HECTD2: variants seen among roughly 807,000 people sequenced by gnomAD.
HECTD2 encodes the protein HECT domain E3 ubiquitin protein ligase 2.
Under a neutral mutation model 103.2 loss-of-function variants are expected in HECTD2, and 35 were observed. That is an observed-to-expected ratio of 0.34 (90% CI 0.26 to 0.45). The LOEUF (loss-of-function observed/expected upper bound fraction) is 0.45, where lower values mean the gene tolerates loss of function less well. Ranked by LOEUF, HECTD2 falls within the 20% of genes least tolerant of loss-of-function variation. HECTD2 has a pLI of 1.00. For missense variants in HECTD2, 596 were observed against 937.4 expected, an observed-to-expected ratio of 0.64 and a Z score of 4.76; for synonymous variants, 281 against 329.9, an observed-to-expected ratio of 0.85 and a Z score of 1.61.
intron 14 of HECTD2, among the ~76,000 whole-genome samples, chr10:91,494,512 T>G (rs948088232): frequency 6.6e-6 from 1 of 152,034 alleles, no homozygotes; most frequent in Non-Finnish European, 1.5e-5. Context: ...TGTCTGTCTT[T>G]GTTACATCTG....
chr10:91,417,165 T>C (rs1843160756), intron 1 of HECTD2, among the ~76,000 whole-genome samples: 1 of 152,142 alleles, frequency 6.6e-6, no homozygotes, highest in Non-Finnish European at 1.5e-5. Context: ...GTTTTGTAGT[T>C]AACTCTGAGT....
chr10:91,493,398 C>T (rs1305649277), intron 13 of HECTD2, 22 bp from the exon 14 acceptor site: 2 of 1,345,174 alleles, frequency 1.5e-6, no homozygotes, highest in African/African-American at 1.5e-5. Context: ...TTAATAATAA[C>T]ATTATTCGTG....
At chr10:91,439,257 G>C (rs561341588) in intron 2 of HECTD2, among the ~76,000 whole-genome samples, 3 of 152,192 alleles carry the variant, frequency 2.0e-5, no homozygotes, top group Admixed American at 2.0e-4. Context: ...TTTTGTATGA[G>C]GTGTAAGGAA....
intron 2 of HECTD2, among the ~76,000 whole-genome samples, chr10:91,425,662 TATAC>T (rs1456676146): frequency 6.6e-6 from 1 of 150,612 alleles, no homozygotes. Context: ...AATAAAATAA[TATAC>T]ATATATATTT....
chr10:91,455,440 G>T (rs927454552), intron 2 of HECTD2, among the ~76,000 whole-genome samples: 4 of 151,840 alleles, frequency 2.6e-5, no homozygotes, highest in African/African-American at 7.2e-5. Flanking sequence ...TCTTGTAAAT[G>T]TGTTTGAGTT....
At chr10:91,478,815 A>G (rs1845995067) in intron 6 of HECTD2, among the ~76,000 whole-genome samples, 1 of 151,860 alleles carries the variant, frequency 6.6e-6, no homozygotes. Context: ...TATTAAAAGT[A>G]TATTATTTAA....
intron 2 of HECTD2, among the ~76,000 whole-genome samples, chr10:91,430,350 A>G (rs1385019492): frequency 1.3e-5 from 2 of 152,128 alleles, no homozygotes; most frequent in African/African-American, 2.4e-5. Flanking sequence ...AAAAATGTCT[A>G]TTCTGTTGAT....
intron 2 of HECTD2, among the ~76,000 whole-genome samples, chr10:91,440,211 G>A (rs72819210): frequency 3.4e-3 from 522 of 152,166 alleles, no homozygotes; most frequent in Non-Finnish European, 6.0e-3. Flanking sequence ...TATTAGCTGC[G>A]GCTTTGTCAT....
chr10:91,503,776 C>T (rs2133362281), intron 20 of HECTD2, among the ~76,000 whole-genome samples: 1 of 152,348 alleles, frequency 6.6e-6, no homozygotes, highest in Admixed American at 6.5e-5. Context: ...GAACCCACCA[C>T]AGCTCAAGGA....
chr10:91,484,479 A>T (rs1283906303), intron 8 of HECTD2, 28 bp from the exon 9 acceptor site: 1 of 1,591,184 alleles, frequency 6.3e-7, no homozygotes, highest in East Asian at 2.2e-5. Context: ...GTGAATTTTG[A>T]TTGCAATTAT....
intron 2 of HECTD2, among the ~76,000 whole-genome samples, chr10:91,437,655 T>A (rs577482319): frequency 6.6e-6 from 1 of 151,400 alleles, no homozygotes; most frequent in African/African-American, 2.4e-5. Flanking sequence ...TTTGTTTTTT[T>A]TGTTGTTTTC....
chr10:91,422,890 T>A (rs545307227), intron 1 of HECTD2, among the ~76,000 whole-genome samples: 22 of 152,254 alleles, frequency 1.4e-4, no homozygotes, highest in African/African-American at 4.8e-4. Context: ...CTAAGCAATA[T>A]TCTTTGAGAC....
chr10:91,423,936 T>C (rs552553836), intron 1 of HECTD2, among the ~76,000 whole-genome samples: 1 of 152,288 alleles, frequency 6.6e-6, no homozygotes, highest in Non-Finnish European at 1.5e-5. Flanking sequence ...ATAGAAATGG[T>C]GAACACTGGA....
chr10:91,474,864 C>T (rs1845848471), intron 5 of HECTD2, among the ~76,000 whole-genome samples: 2 of 152,116 alleles, frequency 1.3e-5, no homozygotes, highest in Non-Finnish European at 2.9e-5. Context: ...GGGAGGGCCT[C>T]TGTAAGGCAA....
intron 12 of HECTD2, among the ~76,000 whole-genome samples, 176 bp downstream of exon 12, chr10:91,491,483 C>T (rs891714195): frequency 1.3e-5 from 2 of 152,132 alleles, no homozygotes; most frequent in African/African-American, 2.4e-5. Flanking sequence ...TAGTTAAAAT[C>T]AGATCTGTAT....
At chr10:91,432,975 C>T (rs1843956336) in intron 2 of HECTD2, among the ~76,000 whole-genome samples, 1 of 151,954 alleles carries the variant, frequency 6.6e-6, no homozygotes, top group South Asian at 2.1e-4. Context: ...CTAAGAGCAA[C>T]TTGAGGGGCA....
In HECTD2 at chr10:91,410,526, G is replaced by C; in HGVS notation, c.88G>C (p.Glu30Gln). The C allele has an allele frequency of 6.8e-7, 1 of 1,477,004 alleles. No homozygotes were observed. The highest frequency in any genetic ancestry group is 8.9e-7 in the Non-Finnish European group (1 of 1,117,778). The allele number at this position is 1,477,004 out of a possible 1,614,324, so 91.5% of individuals were successfully genotyped here. The change falls in exon 1 of 21, where the codon GAG becomes CAG. Residue 30 changes from glutamate (E) to glutamine (Q), a missense_variant. By Grantham distance (29) the Glu-to-Gln change is conservative. Coordinates refer to ENST00000298068, the MANE Select transcript of HECTD2 (RefSeq NM_182765.6). ...APEERKGKES[E>Q]REKLPPIVSA... ...TGAGGAGAGGAAAGGGAAGGAGTCA[G>C]AGCGCGAGAAGCTGCCGCCCATCGT... is the stretch of plus-strand genomic sequence containing the variant.
chr10:91,430,427 G>A (rs1230789350), intron 2 of HECTD2, among the ~76,000 whole-genome samples: 2 of 151,930 alleles, frequency 1.3e-5, no homozygotes, highest in South Asian at 2.1e-4. Flanking sequence ...CAATTCCTGG[G>A]TATCCTTGTT....
chr10:91,498,865 C>A lies in HECTD2; in HGVS notation c.1756-7C>A. On this transcript the variant is annotated splice_polypyrimidine_tract_variant and splice_region_variant and intron_variant, in intron 16 of 20. Transcript: ENST00000298068. ...ATATTAATATGTGTAATGGCATCTC[C>A]CATCAGGTTTTTCAAGAAGAATTTG... is the stretch of plus-strand genomic sequence containing the variant. The A allele has an allele frequency of 6.5e-7, 1 of 1,534,000 alleles. No individual in the cohort carries two copies. Among genetic ancestry groups the A allele is most frequent in the African/African-American group, 1.4e-5 (1 of 72,966 alleles).
Sources: allele counts gnomAD v4.1 joint callset (sites outside exome capture counted in the v4.1 genomes callset), GRCh38; gene constraint gnomAD v4.1.1; transcripts MANE v1.5; gene names NCBI Gene and HGNC (gene_info 2026-07-23, HGNC 2026-07-21).